Variants in PBX1 observed in about 807,000 individuals in gnomAD.
The protein encoded by PBX1 is PBX homeobox 1.
Under a neutral mutation model 53.4 loss-of-function variants are expected in PBX1, and 6 were observed. That is an observed-to-expected ratio of 0.11 (90% CI 0.06 to 0.22). The LOEUF (loss-of-function observed/expected upper bound fraction) is 0.22, where lower values mean the gene tolerates loss of function less well. Among genes scored for constraint, PBX1 ranks in the 10% least tolerant of loss-of-function variants. The probability of loss-of-function intolerance (pLI) is 1.00; values close to 1 mark genes in which losing one functional copy is unlikely to be tolerated. For missense variants in PBX1, 251 were observed against 551.4 expected (o/e 0.46, Z 5.46); for synonymous variants, 204 against 212.3 (o/e 0.96, Z 0.34).
rs115881560 is a variant in PBX1 at position 164,586,882 on chromosome 1, G to A, written c.265+23571G>A. ...GTGAGTCGAGACCATTATCCGCAGAGGGAACTTGAAAATAGAGGTTATCTG... is the reference window on the plus strand; with the variant it reads ...GTGAGTCGAGACCATTATCCGCAGAAGGAACTTGAAAATAGAGGTTATCTG... On this transcript the variant is annotated intron_variant, in intron 2 of 8. Transcript: ENST00000420696. Among the ~76,000 whole-genome samples, 676 of 152,236 alleles carry A rather than the reference G, an allele frequency of 4.4e-3. 12 individuals carry two copies. The highest frequency in any genetic ancestry group is 0.015 in the African/African-American group (603 of 41,532).
At position 164,846,784 on chromosome 1, in the gene PBX1, T is replaced by A. The variant is rs1263591115; in HGVS notation, c.*108T>A. On this transcript the variant is annotated 3_prime_UTR_variant, in exon 9 of 9. Transcript: ENST00000420696. ...GCGGTCAGACTGGAGGTCGAAGCAA[T>A]CAGCAAACACAATAAGAGTCTCCTT... The A allele has an allele frequency of 6.3e-7, 1 of 1,589,636 alleles. No individual in the cohort carries two copies. The highest frequency in any genetic ancestry group is 1.3e-5 in the African/African-American group (1 of 74,370).
At chr1:164,604,015 A>ACTG (rs1323231411) in intron 2 of PBX1, among the ~76,000 whole-genome samples, 1 of 131,756 alleles carries the variant, frequency 7.6e-6, no homozygotes, top group Non-Finnish European at 1.5e-5. Flanking sequence ...ATCACGGCTC[A>ACTG]CTGCAGCCTC....
chr1:164,851,929 C>T (rs1182982258), downstream of PBX1: 1 of 155,112 alleles, frequency 6.4e-6, no homozygotes, highest in South Asian at 2.1e-4. Context: ...AAACTGTTGC[C>T]CTAATCACTG....
At chr1:164,577,106 T>C (rs984196549) in intron 2 of PBX1, 4 of 152,232 alleles carry the variant, frequency 2.6e-5, no homozygotes, top group African/African-American at 4.8e-5. Flanking sequence ...GAGTTGTTGC[T>C]TTATGGTAAT....
At chr1:164,667,372 T>C (rs1219667795) in intron 2 of PBX1, among the ~76,000 whole-genome samples, 1 of 149,380 alleles carries the variant, frequency 6.7e-6, no homozygotes, top group African/African-American at 2.4e-5. Context: ...CTATATAATA[T>C]AATGTATATA....
chr1:164,863,923 G>A (rs1672156184), intron 2 of PBX1, among the ~76,000 whole-genome samples: 1 of 152,206 alleles, frequency 6.6e-6, no homozygotes, highest in African/African-American at 2.4e-5. Context: ...AGCTCTGATA[G>A]AATAGTGGTT....
At chr1:164,854,396 G>A (rs571741464), downstream of PBX1, 14 of 151,904 alleles carry the variant, frequency 9.2e-5, no homozygotes, top group Non-Finnish European at 1.8e-4. Flanking sequence ...CCACCATTTC[G>A]TATGCAGAAT....
intron 2 of PBX1, among the ~76,000 whole-genome samples, chr1:164,766,126 A>G (rs1667047932): frequency 1.3e-5 from 2 of 152,158 alleles, no homozygotes; most frequent in Non-Finnish European, 2.9e-5. Context: ...GACAACAGAA[A>G]CTGAATAACT....
At chr1:164,586,254 T>C (rs1392271161) in intron 2 of PBX1, among the ~76,000 whole-genome samples, 1 of 152,208 alleles carries the variant, frequency 6.6e-6, no homozygotes, top group Admixed American at 6.5e-5. Flanking sequence ...AGAAGACACA[T>C]GTGCATGTAT....
At chr1:164,665,466 T>A (rs1660750349) in intron 2 of PBX1, among the ~76,000 whole-genome samples, 2 of 152,150 alleles carry the variant, frequency 1.3e-5, no homozygotes, top group Admixed American at 6.5e-5. Context: ...TTTGTATTTT[T>A]AATAGAGACA....
At chr1:164,881,973 G>A (rs1053737501) in intron 2 of PBX1, among the ~76,000 whole-genome samples, 1 of 152,122 alleles carries the variant, frequency 6.6e-6, no homozygotes, top group African/African-American at 2.4e-5. Context: ...AGCTGTCCTG[G>A]TTTCATCTTT....
intron 2 of PBX1, among the ~76,000 whole-genome samples, chr1:164,751,981 T>C (rs61801352): frequency 0.057 from 8,682 of 152,016 alleles, 322 homozygotes; most frequent in Middle Eastern, 0.12. Flanking sequence ...CTATTTGGAG[T>C]CCTCAATAGT....
intron 2 of PBX1, among the ~76,000 whole-genome samples, chr1:164,861,160 AT>A (rs1672087155): frequency 1.3e-5 from 2 of 152,158 alleles, no homozygotes; most frequent in Non-Finnish European, 2.9e-5. Context: ...CATGAGAGAT[AT>A]GTCGCCTCCT....
chr1:164,578,391 A>C (rs1459651910), intron 2 of PBX1, among the ~76,000 whole-genome samples: 1 of 152,098 alleles, frequency 6.6e-6, no homozygotes, highest in Non-Finnish European at 1.5e-5. Flanking sequence ...GGTTGGATTT[A>C]TTTTTTCATT....
At chr1:164,622,016 T>C (rs566487084) in intron 2 of PBX1, among the ~76,000 whole-genome samples, 3 of 152,286 alleles carry the variant, frequency 2.0e-5, no homozygotes, top group Admixed American at 1.3e-4. Flanking sequence ...TCAGACAAGC[T>C]AGAGGGTATA....
intron 2 of PBX1, among the ~76,000 whole-genome samples, chr1:164,881,550 G>A (rs905168548): frequency 9.3e-6 from 1 of 107,234 alleles, no homozygotes; most frequent in African/African-American, 3.8e-5. Context: ...GAACCAGAGA[G>A]AGTAGCGGTG....
intron 2 of PBX1, among the ~76,000 whole-genome samples, chr1:164,735,828 C>G (rs947053892): frequency 1.3e-5 from 2 of 152,116 alleles, no homozygotes; most frequent in Non-Finnish European, 2.9e-5. Context: ...GGCCAAGGCT[C>G]TTAAGACAGT....
intron 2 of PBX1, among the ~76,000 whole-genome samples, chr1:164,865,893 A>C (rs1051108004): frequency 1.2e-4 from 19 of 152,212 alleles, no homozygotes; most frequent in Non-Finnish European, 5.9e-5. Context: ...AATAGCAGAC[A>C]TCTTTGCTGC....
rs71583414 is a variant in PBX1 at position 164,603,929 on chromosome 1, A to ATTTTTTTTTTT, written c.265+40641_265+40651dup. Among the ~76,000 whole-genome samples, 586 of 75,696 alleles carry ATTTTTTTTTTT rather than the reference A, an allele frequency of 7.7e-3. 122 individuals carry two copies. Among genetic ancestry groups the ATTTTTTTTTTT allele is most frequent in the Non-Finnish European group, 9.6e-3 (425 of 44,356 alleles). The allele number at this position is 75,696 out of a possible 152,430, so 49.7% of individuals were successfully genotyped here. A position where few individuals can be genotyped will look rare whatever the true frequency, so the allele number is the denominator to read the frequency against. ...GACACTCTGTACATTATGTCATTTC[A>ATTTTTTTTTTT]TTTTTTTTTTTTTTTTTTTTTTTTT... On this transcript the variant is annotated intron_variant, in intron 2 of 8. Transcript: ENST00000420696.
Sources: gnomAD v4.1 joint callset for allele counts (sites outside exome capture counted in the v4.1 genomes callset) on GRCh38, gnomAD v4.1.1 for gene constraint, MANE v1.5 for transcripts, NCBI Gene and HGNC (gene_info 2026-07-23, HGNC 2026-07-21) for gene names.